The following ST18 variants were observed in gnomAD, a reference collection of about 807,000 sequenced individuals.
ST18 encodes suppression of tumorigenicity 18 protein.
A neutral mutation model predicts 110.0 loss-of-function variants in ST18; 50 were observed. The observed-to-expected ratio is 0.45, with a 90% CI of 0.36 to 0.58. The LOEUF (loss-of-function observed/expected upper bound fraction) is 0.58. Ranked by LOEUF, ST18 falls within the 20% of genes least tolerant of loss-of-function variation. The pLI is 0.00. For missense variants in ST18, 1,306 were observed against 1,280.1 expected (o/e 1.02, Z -0.31); for synonymous variants, 461 against 452.4 (o/e 1.02, Z -0.24).
chr8:52,179,240 A>T (rs932874292), intron 9 of ST18, among the ~76,000 whole-genome samples: 1 of 152,204 alleles, frequency 6.6e-6, no homozygotes. Flanking sequence ...GTGATCAGTG[A>T]TATTCAAACT....
intron 2 of ST18, among the ~76,000 whole-genome samples, chr8:52,289,667 C>G (rs910310229): frequency 6.6e-6 from 1 of 152,124 alleles, no homozygotes; most frequent in African/African-American, 2.4e-5. Context: ...GAAAATAAGC[C>G]ATTGGGGTGG....
chr8:52,284,011 G>C (rs889882649), intron 2 of ST18, among the ~76,000 whole-genome samples: 1 of 152,170 alleles, frequency 6.6e-6, no homozygotes, highest in Non-Finnish European at 1.5e-5. Flanking sequence ...CAGTCAGCTT[G>C]GTTGATTTTT....
chr8:52,334,351 C>T (rs1590003659), intron 2 of ST18, among the ~76,000 whole-genome samples: 1 of 152,106 alleles, frequency 6.6e-6, no homozygotes, highest in African/African-American at 2.4e-5. Context: ...ATTATTTCAC[C>T]TGATTTACAA....
At chr8:52,256,009 T>C (rs924570627) in intron 2 of ST18, among the ~76,000 whole-genome samples, 2 of 152,222 alleles carry the variant, frequency 1.3e-5, no homozygotes, top group Non-Finnish European at 2.9e-5. Context: ...AGTTCATTCC[T>C]TCCAAGGAAC....
intron 17 of ST18, chr8:52,137,890 T>C (rs1159273306): frequency 5.8e-6 from 1 of 171,104 alleles, no homozygotes; most frequent in East Asian, 1.6e-4. Context: ...TCACCTGAGG[T>C]TGGGAGTTCG....
intron 2 of ST18, among the ~76,000 whole-genome samples, chr8:52,302,137 C>T (rs760248710): frequency 2.6e-5 from 4 of 152,224 alleles, no homozygotes; most frequent in Middle Eastern, 3.4e-3. Context: ...GGTTTGGGAG[C>T]GATGGGGTGG....
chr8:52,320,343 T>C (rs1260994066), intron 2 of ST18, among the ~76,000 whole-genome samples: 3 of 152,078 alleles, frequency 2.0e-5, no homozygotes, highest in Non-Finnish European at 2.9e-5. Flanking sequence ...AGGGCAGACA[T>C]GGAAAGGAGG....
chr8:52,237,492 C>T (rs1039845167), intron 2 of ST18, among the ~76,000 whole-genome samples: 1 of 152,126 alleles, frequency 6.6e-6, no homozygotes, highest in African/African-American at 2.4e-5. Context: ...ATGCAGAGCA[C>T]CTCAGTGCTT....
At chr8:52,276,413 CCCACACA>C (rs2095266332) in intron 2 of ST18, among the ~76,000 whole-genome samples, 1 of 151,046 alleles carries the variant, frequency 6.6e-6, no homozygotes, top group South Asian at 2.1e-4. Context: ...ACACACCACA[CCCACACA>C]CCACACACAA....
intron 15 of ST18, among the ~76,000 whole-genome samples, chr8:52,157,546 C>T (rs1212923839): frequency 2.0e-5 from 3 of 152,166 alleles, no homozygotes; most frequent in Non-Finnish European, 2.9e-5. Flanking sequence ...AATAAAGTTG[C>T]ATTTAAAAAT....
intron 9 of ST18, among the ~76,000 whole-genome samples, chr8:52,179,271 A>G (rs1251108815): frequency 6.6e-6 from 1 of 152,224 alleles, no homozygotes; most frequent in Non-Finnish European, 1.5e-5. Context: ...TGTGACTACC[A>G]GGAACTAATG....
rs1192196388 is a variant in ST18, at chr8:52,142,977, G to A, written c.2121C>T (p.Ser707=). The change falls in exon 17 of 26, where the codon AGC becomes AGT. Residue 707 remains serine, a synonymous_variant. Coordinates refer to ENST00000689386, the MANE Select transcript of ST18 (RefSeq NM_001352837.2). ...CTCTTGCATGAAGCTTGGGTTTAGG[G>A]CTTGGTATAGAGGCCTCTCCAGGAA... ...KKFPGEASIP[S]PKPKLHARDL... is the part of the protein sequence containing the mutation. 1.2e-6 allele frequency: 2 copies of A among 1,614,088 alleles called. No homozygotes were observed. The highest frequency in any genetic ancestry group is 2.2e-5 in the South Asian group (2 of 91,078).
intron 2 of ST18, among the ~76,000 whole-genome samples, chr8:52,368,124 T>C (rs1348633997): frequency 1.3e-5 from 2 of 152,122 alleles, no homozygotes; most frequent in African/African-American, 4.8e-5. Flanking sequence ...GGGGGAAAAA[T>C]TCTAACAAGT....
intron 2 of ST18, among the ~76,000 whole-genome samples, chr8:52,265,273 A>G (rs938973730): frequency 3.9e-5 from 6 of 152,176 alleles, no homozygotes; most frequent in African/African-American, 1.4e-4. Flanking sequence ...AACAATGGGG[A>G]GAAGAGGAGA....
chr8:52,380,580 C>T (rs576482606), intron 2 of ST18, among the ~76,000 whole-genome samples: 23 of 152,178 alleles, frequency 1.5e-4, no homozygotes, highest in African/African-American at 5.5e-4. Context: ...ATATATTCTT[C>T]TATCTTTGTG....
intron 7 of ST18, among the ~76,000 whole-genome samples, chr8:52,213,616 G>C (rs2083016118): frequency 6.6e-6 from 1 of 152,120 alleles, no homozygotes; most frequent in Admixed American, 6.5e-5. Context: ...CTGTTTTCCA[G>C]ATGTTTAGAT....
intron 14 of ST18, 124 bp from the exon 15 acceptor site, chr8:52,159,233 C>T (rs1198904557): frequency 7.9e-6 from 7 of 889,328 alleles, no homozygotes; most frequent in Non-Finnish European, 1.2e-5. Context: ...AAACACGTTC[C>T]ATTATCCATG....
chr8:52,220,129 C>T (rs1231696332), intron 5 of ST18, among the ~76,000 whole-genome samples: 1 of 151,920 alleles, frequency 6.6e-6, no homozygotes, highest in East Asian at 1.9e-4. Flanking sequence ...TTTTAATATC[C>T]CCAGATTAAA....
At chr8:52,257,201 T>C (rs538479512) in intron 2 of ST18, among the ~76,000 whole-genome samples, 1 of 152,354 alleles carries the variant, frequency 6.6e-6, no homozygotes, top group East Asian at 1.9e-4. Flanking sequence ...ATTTATCCAT[T>C]CATTGATTGA....
Sources: gnomAD v4.1 joint callset for allele counts (sites outside exome capture counted in the v4.1 genomes callset) on GRCh38, gnomAD v4.1.1 for gene constraint, MANE v1.5 for transcripts, NCBI Gene and HGNC (gene_info 2026-07-23, HGNC 2026-07-21) for gene names.